The following PARD3 variants were observed in gnomAD, a reference collection of about 807,000 sequenced individuals.
PARD3 encodes partitioning defective 3 homolog.
PARD3 carries 75 observed loss-of-function variants against 155.4 expected under a neutral mutation model. The observed-to-expected ratio is 0.48, with a 90% CI of 0.40 to 0.58. The LOEUF (loss-of-function observed/expected upper bound fraction) is 0.58. Ranked by LOEUF, PARD3 falls within the 20% of genes least tolerant of loss-of-function variation. The probability of loss-of-function intolerance (pLI) is 0.00; values close to 1 mark genes in which losing one functional copy is unlikely to be tolerated. For synonymous variants in PARD3, 576 were observed against 610.5 expected, an observed-to-expected ratio of 0.94 and a Z score of 0.83; for missense variants, 1,642 against 1,721.7, an observed-to-expected ratio of 0.95 and a Z score of 0.82.
intron 22 of PARD3, among the ~76,000 whole-genome samples, chr10:34,200,424 A>G (rs1044138983): frequency 6.6e-6 from 1 of 152,178 alleles, no homozygotes; most frequent in East Asian, 1.9e-4. Context: ...CAAAGACTGA[A>G]GAGTTAACAA....
In PARD3 at chr10:34,585,623, G is replaced by A. The variant is rs1228349094; in HGVS notation, c.223-68464C>T. Among the ~76,000 whole-genome samples the A allele has an allele frequency of 2.7e-5, 4 of 150,208 alleles. No homozygotes were observed. The East Asian group carries it at 7.8e-4, about 29-fold the overall frequency. On this transcript the variant is annotated intron_variant, in intron 2 of 24. Transcript: ENST00000374788. ...GCACAGAAAGTGAAAATTGTGGTGT[G>A]CGGGTGTCATTTCAGAGGTTACTTA...
chr10:34,501,435 T>C (rs1272413442), intron 3 of PARD3, among the ~76,000 whole-genome samples: 2 of 152,170 alleles, frequency 1.3e-5, no homozygotes, highest in Non-Finnish European at 1.5e-5. Context: ...GCCAATGGCA[T>C]GCTTCCTAGA....
intron 2 of PARD3, among the ~76,000 whole-genome samples, chr10:34,631,072 C>T (rs1010529422): frequency 2.0e-5 from 3 of 152,056 alleles, no homozygotes; most frequent in Admixed American, 1.3e-4. Context: ...ACATCAGTCT[C>T]CCAAAGTGGT....
intron 1 of PARD3, among the ~76,000 whole-genome samples, chr10:34,728,145 G>A (rs540418965): frequency 2.6e-3 from 277 of 106,150 alleles, no homozygotes; most frequent in Non-Finnish European, 5.1e-3. Flanking sequence ...CAGAGTAAAA[G>A]CCCTTTATTC....
chr10:34,374,307 C>T (rs1840996944), intron 11 of PARD3, among the ~76,000 whole-genome samples: 1 of 152,134 alleles, frequency 6.6e-6, no homozygotes, highest in Non-Finnish European at 1.5e-5. Context: ...AATGCCTTTT[C>T]ATTTCCTTCA....
chr10:34,730,253 C>T (rs1474476694), intron 1 of PARD3, among the ~76,000 whole-genome samples: 15 of 152,024 alleles, frequency 9.9e-5, no homozygotes, highest in Admixed American at 9.8e-4. Flanking sequence ...GGATGGTATA[C>T]AAAAGCAACG....
At chr10:34,228,346 T>C (rs1287929258) in intron 22 of PARD3, among the ~76,000 whole-genome samples, 4 of 151,964 alleles carry the variant, frequency 2.6e-5, no homozygotes, top group South Asian at 2.1e-4. Flanking sequence ...CAAGCCCCCA[T>C]GACATGCAAT....
intron 22 of PARD3, among the ~76,000 whole-genome samples, chr10:34,137,863 G>T (rs1030857081): frequency 6.6e-6 from 1 of 152,184 alleles, no homozygotes; most frequent in Non-Finnish European, 1.5e-5. Context: ...AGGCCACTAG[G>T]TTAGGCAATT....
intron 23 of PARD3, among the ~76,000 whole-genome samples, chr10:34,121,498 G>A (rs1221541640): frequency 1.3e-5 from 2 of 152,210 alleles, no homozygotes; most frequent in Non-Finnish European, 2.9e-5. Flanking sequence ...ACTTTGCCCT[G>A]ATAATGATTT....
intron 11 of PARD3, among the ~76,000 whole-genome samples, chr10:34,373,629 C>T (rs191790905): frequency 5.3e-5 from 8 of 150,936 alleles, no homozygotes; most frequent in African/African-American, 1.5e-4. Flanking sequence ...GGGGGGAAAA[C>T]GAAAAACTGA....
At chr10:34,503,742 T>A (rs1488358099) in intron 3 of PARD3, among the ~76,000 whole-genome samples, 1 of 152,020 alleles carries the variant, frequency 6.6e-6, no homozygotes, top group East Asian at 1.9e-4. Context: ...ATCCCTAGGG[T>A]AGAAAATTTA....
At chr10:34,137,009 T>G (rs1248896274) in intron 22 of PARD3, among the ~76,000 whole-genome samples, 1 of 152,206 alleles carries the variant, frequency 6.6e-6, no homozygotes, top group Non-Finnish European at 1.5e-5. Flanking sequence ...ATGGATGGAT[T>G]TAAGGTGGCC....
At chr10:34,546,465 C>T (rs1180034204) in intron 2 of PARD3, among the ~76,000 whole-genome samples, 1 of 151,406 alleles carries the variant, frequency 6.6e-6, no homozygotes, top group African/African-American at 2.4e-5. Flanking sequence ...TGCAGCGAGC[C>T]GAGACTGTAC....
intron 1 of PARD3, among the ~76,000 whole-genome samples, chr10:34,723,899 G>C (rs2094651706): frequency 6.6e-6 from 1 of 152,170 alleles, no homozygotes; most frequent in African/African-American, 2.4e-5. Context: ...CGCAGGCTGG[G>C]AGCTGGGCTC....
At chr10:34,220,446 T>TCC (rs1329102413) in intron 22 of PARD3, among the ~76,000 whole-genome samples, 2 of 152,206 alleles carry the variant, frequency 1.3e-5, no homozygotes, top group Non-Finnish European at 2.9e-5. Flanking sequence ...TCGCACCTGG[T>TCC]GCCTCACACC....
At chr10:34,382,992 TA>T in intron 8 of PARD3, 70 bp from the exon 9 acceptor site, 1 of 1,505,192 alleles carries the variant, frequency 6.6e-7, no homozygotes, top group Non-Finnish European at 9.1e-7. Context: ...TGAGCTTAAT[TA>T]AGTTTACTAA....
intron 2 of PARD3, among the ~76,000 whole-genome samples, chr10:34,631,120 T>G (rs971548865): frequency 3.9e-5 from 6 of 152,020 alleles, no homozygotes; most frequent in African/African-American, 1.5e-4. Flanking sequence ...CAGCCTAGAT[T>G]TTTCTTTTCC....
chr10:34,170,224 A>C (rs1471073091), intron 22 of PARD3, among the ~76,000 whole-genome samples: 1 of 152,184 alleles, frequency 6.6e-6, no homozygotes, highest in African/African-American at 2.4e-5. Flanking sequence ...AGTAGCTGGA[A>C]CTACAGTTGC....
chr10:34,766,718 T>C (rs1488503408), intron 1 of PARD3, among the ~76,000 whole-genome samples: 2 of 151,148 alleles, frequency 1.3e-5, no homozygotes, highest in African/African-American at 4.9e-5. Context: ...ACAAAGGCCT[T>C]TGAGGAAAAA....
Sources: allele counts gnomAD v4.1 joint callset (sites outside exome capture counted in the v4.1 genomes callset), GRCh38; gene constraint gnomAD v4.1.1; transcripts MANE v1.5; gene names NCBI Gene and HGNC (gene_info 2026-07-23, HGNC 2026-07-21).